Variants in ZNF654 observed in about 807,000 individuals in gnomAD.
The protein encoded by ZNF654 is melanoma-associated antigen.
A neutral mutation model predicts 95.3 loss-of-function variants in ZNF654; 19 were observed. The observed-to-expected ratio is 0.20, with a 90% CI of 0.14 to 0.29. The LOEUF is 0.29. Among genes scored for constraint, ZNF654 ranks in the 10% least tolerant of loss-of-function variants. The pLI is 1.00. For synonymous variants in ZNF654, 413 were observed against 457.9 expected, an observed-to-expected ratio of 0.90 and a Z score of 1.25; for missense variants, 1,046 against 1,341.0, an observed-to-expected ratio of 0.78 and a Z score of 3.44.
chr3:88,065,770 G>C (rs1006798556), intron 1 of ZNF654, among the ~76,000 whole-genome samples: 11 of 152,040 alleles, frequency 7.2e-5, no homozygotes, highest in Admixed American at 5.9e-4. Flanking sequence ...GTGTCGCTCA[G>C]GCTGGAGTGC....
chr3:88,077,395 G>A (rs9879044), intron 1 of ZNF654, among the ~76,000 whole-genome samples: 117,619 of 149,934 alleles, frequency 0.78, 47,027 homozygotes, highest in South Asian at 0.91. Flanking sequence ...GTACAGTGGC[G>A]CGATCTCGGC....
Position 88,059,263 on chromosome 3 carries a change from C to T in ZNF654, c.-57C>T, listed in dbSNP as rs1028936957. On this transcript the variant is annotated 5_prime_UTR_variant, in exon 1 of 9. Transcript: ENST00000636215. ...GAGAGGAGGAGGAGGTTAGCCTAGG[C>T]ATCTACGGCGGCGGCGGCGGCGCAG... 6 of 1,531,430 alleles carry T rather than the reference C, an allele frequency of 3.9e-6. No homozygotes were observed. Among genetic ancestry groups the T allele is most frequent in the Middle Eastern group, 2.2e-4 (1 of 4,508 alleles). 94.9% of individuals were successfully genotyped at this position (1,531,430 alleles called of 1,614,324 possible). A position where few individuals can be genotyped will look rare whatever the true frequency, so the allele number is the denominator to read the frequency against.
At chr3:88,067,333 C>T (rs568745257) in intron 1 of ZNF654, among the ~76,000 whole-genome samples, 13 of 152,320 alleles carry the variant, frequency 8.5e-5, no homozygotes, top group African/African-American at 3.1e-4. Context: ...ATTTAAGGTG[C>T]TTTTGCCTCA....
intron 2 of ZNF654, among the ~76,000 whole-genome samples, chr3:88,096,375 G>T (rs1422275407): frequency 6.6e-6 from 1 of 152,070 alleles, no homozygotes; most frequent in Non-Finnish European, 1.5e-5. Flanking sequence ...GTGTGAGAGG[G>T]TACCTCTGAA....
chr3:88,138,673 A>T, intron 7 of ZNF654, 32 bp from the exon 8 acceptor site: 1 of 1,205,852 alleles, frequency 8.3e-7, no homozygotes. Flanking sequence ...TTGGAAAAAA[A>T]GTATTTAGCA....
intron 1 of ZNF654, among the ~76,000 whole-genome samples, chr3:88,073,137 A>G (rs1452559227): frequency 7.2e-6 from 1 of 138,254 alleles, no homozygotes; most frequent in African/African-American, 2.7e-5. Flanking sequence ...CTCCAGACCA[A>G]CAGTATGAGC....
intron 2 of ZNF654, among the ~76,000 whole-genome samples, chr3:88,103,762 CTTTTT>C (rs56210218): frequency 3.6e-5 from 3 of 83,348 alleles, no homozygotes; most frequent in Admixed American, 1.4e-4. Flanking sequence ...GATGTATTAA[CTTTTT>C]TTTTTTTTTT....
At chr3:88,136,463 G>C (rs1576350872) in intron 7 of ZNF654, among the ~76,000 whole-genome samples, 1 of 152,164 alleles carries the variant, frequency 6.6e-6, no homozygotes, top group South Asian at 2.1e-4. Context: ...CATAAATACT[G>C]TGTGAGTTCA....
chr3:88,123,624 T>C (rs1705913652), intron 3 of ZNF654, among the ~76,000 whole-genome samples: 1 of 152,200 alleles, frequency 6.6e-6, no homozygotes, highest in South Asian at 2.1e-4. Context: ...TAAGTGTTTC[T>C]TATTTTCAGC....
intron 1 of ZNF654, among the ~76,000 whole-genome samples, chr3:88,060,047 G>A (rs1706770552): frequency 6.6e-6 from 1 of 151,838 alleles, no homozygotes; most frequent in South Asian, 2.1e-4. Context: ...TCTCCAGTTG[G>A]CGTAGACGCT....
At chr3:88,116,121 G>C (rs1395560364) in intron 3 of ZNF654, among the ~76,000 whole-genome samples, 4 of 152,082 alleles carry the variant, frequency 2.6e-5, no homozygotes, top group Non-Finnish European at 5.9e-5. Context: ...TAGGGATTTG[G>C]GGTGTGGTCA....
In ZNF654 at chr3:88,140,318, A is replaced by G. The variant is rs1707042945; in HGVS notation, c.2649A>G (p.Thr883=). 2 of 1,613,630 alleles carry G rather than the reference A, an allele frequency of 1.2e-6. No individual in the cohort carries two copies. Among genetic ancestry groups the G allele is most frequent in the Admixed American group, 1.7e-5 (1 of 59,926 alleles). ...TPESSAQPSE[T]ILWDVQTDSN... is the part of the protein sequence containing the mutation. Reference sequence around the variant, plus strand: ...AGTCATCTGCACAACCAAGTGAAACAATTCTTTGGGATGTTCAGACAGACT... The same window carrying G: ...AGTCATCTGCACAACCAAGTGAAACGATTCTTTGGGATGTTCAGACAGACT... Residue 883 remains threonine (T), a synonymous_variant, in exon 8 of 9, where the codon ACA becomes ACG. Transcript: ENST00000636215.
chr3:88,073,100 T>G (rs1205278890), intron 1 of ZNF654, among the ~76,000 whole-genome samples: 2 of 152,154 alleles, frequency 1.3e-5, no homozygotes, highest in Non-Finnish European at 2.9e-5. Flanking sequence ...GTTAATTGAT[T>G]AGAAATATGG....
Position 88,082,123 on chromosome 3 carries a change from TAATC to T in ZNF654, c.187-4130_187-4127del, listed in dbSNP as rs1174251876. Among the ~76,000 whole-genome samples the T allele has an allele frequency of 5.3e-5, 8 of 151,966 alleles. No individual in the cohort carries two copies. In the South Asian group the frequency reaches 6.2e-4, roughly 12 times the overall value. ...AATTGTGACACGTCTTCTGGTTTGT[TAATC>T]AATTTTTTTTTTTTTTTTGAGATGG... On this transcript the variant is annotated intron_variant, in intron 1 of 8. Transcript: ENST00000636215.
chr3:88,136,064 T>C (rs1365025114), intron 7 of ZNF654, among the ~76,000 whole-genome samples: 4 of 152,154 alleles, frequency 2.6e-5, no homozygotes, highest in South Asian at 4.1e-4. Context: ...TAGTGAAATA[T>C]CATTCAAATG....
chr3:88,073,711 T>C (rs1402035543), intron 1 of ZNF654, among the ~76,000 whole-genome samples: 1 of 152,170 alleles, frequency 6.6e-6, no homozygotes, highest in Non-Finnish European at 1.5e-5. Flanking sequence ...AAATGAACAG[T>C]ATAGTTTTGG....
chr3:88,139,433 G>A lies in ZNF654; in HGVS notation c.1764G>A (p.Gln588=). 1 of 1,613,844 alleles carries A rather than the reference G, an allele frequency of 6.2e-7. No homozygotes were observed. The highest frequency in any genetic ancestry group is 2.2e-5 in the East Asian group (1 of 44,864). Residue 588 remains glutamine, a synonymous_variant, in exon 8 of 9, where the codon CAG becomes CAA. Transcript: ENST00000636215. ...GRKFRNRGLM[Q]KHLKNHVKKI... The stretch of plus-strand genomic sequence containing the variant: ...AATTTAGAAACAGAGGACTTATGCA[G>A]AAGCATTTGAAGAATCATGTTAAGA...
At chr3:88,106,477 A>G (rs56211058) in intron 2 of ZNF654, among the ~76,000 whole-genome samples, 11,926 of 152,006 alleles carry the variant, frequency 0.078, 524 homozygotes, top group Non-Finnish European at 0.1. Flanking sequence ...AGCTGAGATT[A>G]CACATGTGTG....
intron 7 of ZNF654, among the ~76,000 whole-genome samples, 192 bp from the exon 8 acceptor site, chr3:88,138,513 T>C (rs1159926628): frequency 6.6e-6 from 1 of 152,144 alleles, no homozygotes; most frequent in East Asian, 1.9e-4. Context: ...TCCAGATTAT[T>C]TTCAAGTTTA....
Sources: gnomAD v4.1 joint callset for allele counts (sites outside exome capture counted in the v4.1 genomes callset) on GRCh38, gnomAD v4.1.1 for gene constraint, MANE v1.5 for transcripts, NCBI Gene and HGNC (gene_info 2026-07-23, HGNC 2026-07-21) for gene names.